Variants in RANBP2 observed in about 807,000 individuals in gnomAD.
The protein encoded by RANBP2 is RAN binding protein 2, also known as E3 SUMO-protein ligase RanBP2.
In RANBP2, 57 loss-of-function variants were observed where a neutral mutation model predicts 303.6. The observed-to-expected ratio is 0.19, with a 90% CI of 0.15 to 0.23. RANBP2 has a LOEUF of 0.23. RANBP2 is among the 10% of genes least tolerant of loss of function. The pLI is 1.00. For missense variants in RANBP2, 3,138 were observed against 3,780.8 expected (o/e 0.83, Z 4.46); for synonymous variants, 1,167 against 1,301.5 (o/e 0.90, Z 2.23).
At chr2:108,726,281 T>G (rs1694700178) in intron 1 of RANBP2, among the ~76,000 whole-genome samples, 1 of 152,190 alleles carries the variant, frequency 6.6e-6, no homozygotes, top group African/African-American at 2.4e-5. Flanking sequence ...TCATCTCAGT[T>G]ATCAGATCAG....
chr2:109,774,528 A>AT, the RANBP2 span, among the ~76,000 whole-genome samples: 1 of 92,824 alleles, frequency 1.1e-5, no homozygotes, highest in Non-Finnish European at 1.9e-5. Flanking sequence ...TATATTATAT[A>AT]TATTATATAT....
At chr2:109,185,823 G>A in the RANBP2 span, among the ~76,000 whole-genome samples, 8 of 152,220 alleles carry the variant, frequency 5.3e-5, no homozygotes, top group African/African-American at 1.4e-4. Context: ...GGCACTGTAG[G>A]AGAAATGAGG....
chr2:109,724,917 G>T, the RANBP2 span, among the ~76,000 whole-genome samples: 6 of 152,202 alleles, frequency 3.9e-5, no homozygotes, highest in African/African-American at 1.4e-4. Context: ...GGGGTTCTTG[G>T]ACTAGGGTAA....
At chr2:109,144,784 G>T in the RANBP2 span, among the ~76,000 whole-genome samples, 3 of 152,242 alleles carry the variant, frequency 2.0e-5, no homozygotes, top group Admixed American at 6.5e-5. Context: ...CAGGCACCAG[G>T]CTGGAGCCTG....
At chr2:109,434,785 T>C in the RANBP2 span, among the ~76,000 whole-genome samples, 2 of 152,232 alleles carry the variant, frequency 1.3e-5, no homozygotes, top group Non-Finnish European at 2.9e-5. Context: ...GCAATAGCCA[T>C]CTCCAGCCTT....
the RANBP2 span, among the ~76,000 whole-genome samples, chr2:109,507,338 G>A: frequency 6.6e-6 from 1 of 152,206 alleles, no homozygotes; most frequent in African/African-American, 2.4e-5. Flanking sequence ...GTCTGTCGGA[G>A]TTCTCTTCTC....
At position 108,719,543 on chromosome 2, in the gene RANBP2, A is replaced by G; in HGVS notation, c.-64A>G. The G allele has an allele frequency of 1.2e-5, 18 of 1,561,198 alleles. No homozygotes were observed. Among genetic ancestry groups the G allele is most frequent in the Non-Finnish European group, 1.6e-5 (18 of 1,154,130 alleles). On this transcript the variant is annotated 5_prime_UTR_variant, in exon 1 of 29. Transcript: ENST00000283195. ...GGTTTGCAGGCGCTTTCCTCTTGGA[A>G]GTGGCGACTGCTGCGGGCCTGAGCG...
chr2:108,781,450 C>T (rs1472051319), intron 26 of RANBP2, 21 bp downstream of exon 26: 16 of 1,608,916 alleles, frequency 9.9e-6, no homozygotes, highest in African/African-American at 1.3e-5. Context: ...AGGAATTAAC[C>T]TTTTACTAAT....
At chr2:108,824,451 A>G in the RANBP2 span, among the ~76,000 whole-genome samples, 1 of 152,180 alleles carries the variant, frequency 6.6e-6, no homozygotes, top group South Asian at 2.1e-4. Flanking sequence ...AGGATAATCA[A>G]TATCAGTGTC....
the RANBP2 span, among the ~76,000 whole-genome samples, chr2:108,935,077 C>T: frequency 6.6e-6 from 1 of 152,210 alleles, no homozygotes; most frequent in Admixed American, 6.5e-5. Context: ...ATATAAGAGA[C>T]CGCATGACCA....
the RANBP2 span, among the ~76,000 whole-genome samples, chr2:109,714,902 G>A: frequency 1.3e-4 from 18 of 139,728 alleles, no homozygotes; most frequent in Non-Finnish European, 2.4e-4. Context: ...GAGCCACCAC[G>A]CCCGGGCTTG....
At chr2:109,090,324 A>C in the RANBP2 span, among the ~76,000 whole-genome samples, 3 of 140,500 alleles carry the variant, frequency 2.1e-5, no homozygotes, top group South Asian at 2.4e-4. Flanking sequence ...ACACACACAC[A>C]CACACACACA....
the RANBP2 span, among the ~76,000 whole-genome samples, chr2:109,685,002 T>A: frequency 6.6e-6 from 1 of 151,458 alleles, no homozygotes; most frequent in African/African-American, 2.4e-5. Flanking sequence ...GCCTCCCGAG[T>A]AGCTAGGATT....
chr2:109,630,878 C>T, the RANBP2 span, among the ~76,000 whole-genome samples: 1 of 152,104 alleles, frequency 6.6e-6, no homozygotes, highest in Non-Finnish European at 1.5e-5. Flanking sequence ...CCAGCCTGGC[C>T]AACATGGCGA....
the RANBP2 span, among the ~76,000 whole-genome samples, chr2:109,448,063 C>T: frequency 2.0e-5 from 3 of 152,122 alleles, no homozygotes; most frequent in Non-Finnish European, 4.4e-5. Context: ...CTCTCACATG[C>T]TCAGCCCTCA....
At chr2:109,322,489 A>ATC in the RANBP2 span, among the ~76,000 whole-genome samples, 2 of 152,242 alleles carry the variant, frequency 1.3e-5, no homozygotes, top group Admixed American at 6.5e-5. Flanking sequence ...CATCTTAAGG[A>ATC]AGCTGAAATT....
At chr2:109,564,639 A>G in the RANBP2 span, 10 of 989,008 alleles carry the variant, frequency 1.0e-5, no homozygotes, top group Non-Finnish European at 1.4e-5. Context: ...TGAAACAACA[A>G]ATAGCAAATG....
At chr2:109,517,904 G>A in the RANBP2 span, among the ~76,000 whole-genome samples, 1 of 152,222 alleles carries the variant, frequency 6.6e-6, no homozygotes, top group African/African-American at 2.4e-5. Context: ...GGCCTGCAGG[G>A]TCCCAGAAGG....
chr2:109,348,628 C>T, the RANBP2 span, among the ~76,000 whole-genome samples: 3 of 152,198 alleles, frequency 2.0e-5, no homozygotes, highest in East Asian at 3.8e-4. Context: ...TTGGTCTTTA[C>T]AGCTGTCCCA....
Sources: allele counts gnomAD v4.1 joint callset (sites outside exome capture counted in the v4.1 genomes callset), GRCh38; gene constraint gnomAD v4.1.1; transcripts MANE v1.5; gene names NCBI Gene and HGNC (gene_info 2026-07-23, HGNC 2026-07-21).